Variants in KCNQ3 observed in about 807,000 individuals in gnomAD.
KCNQ3 encodes the protein potassium voltage-gated channel subfamily Q member 3.
Under a neutral mutation model 92.5 loss-of-function variants are expected in KCNQ3, and 30 were observed. That is an observed-to-expected ratio of 0.32 (90% CI 0.24 to 0.44). The LOEUF is 0.44. Among genes scored for constraint, KCNQ3 ranks in the 20% least tolerant of loss-of-function variants. KCNQ3 has a pLI of 1.00. For synonymous variants in KCNQ3, 450 were observed against 468.8 expected, an observed-to-expected ratio of 0.96 and a Z score of 0.52; for missense variants, 913 against 1,140.3, an observed-to-expected ratio of 0.80 and a Z score of 2.87.
chr8:132,125,356 T>G lies in KCNQ3; in HGVS notation c.*3906A>C, dbSNP rs1369903625. On this transcript the variant is annotated 3_prime_UTR_variant, in exon 15 of 15. Coordinates refer to ENST00000388996, the MANE Select transcript of KCNQ3 (RefSeq NM_004519.4). ...GGAAGCATTTCTGTCTGTATAGAGT[T>G]GTTTGCAGGGATGAAATCAGGTATT... The G allele has an allele frequency of 6.6e-6, 1 of 152,204 alleles. No homozygotes were observed. The highest frequency in any genetic ancestry group is 1.5e-5 in the Non-Finnish European group (1 of 68,040). The allele number at this position is 152,204 out of a possible 1,614,324, so 9.4% of individuals were successfully genotyped here. A position where few individuals can be genotyped will look rare whatever the true frequency, so the allele number is the denominator to read the frequency against.
chr8:132,447,664 C>T (rs991959513), intron 1 of KCNQ3, among the ~76,000 whole-genome samples: 1 of 152,170 alleles, frequency 6.6e-6, no homozygotes, highest in Non-Finnish European at 1.5e-5. Flanking sequence ...CAAGAGACAG[C>T]GCCACGAGCG....
At chr8:132,352,850 G>A (rs182663914) in intron 1 of KCNQ3, among the ~76,000 whole-genome samples, 6 of 152,260 alleles carry the variant, frequency 3.9e-5, no homozygotes, top group African/African-American at 1.4e-4. Context: ...GGGGAAAAGA[G>A]GTTGGTGCTC....
At chr8:132,334,116 G>T (rs1467064601) in intron 1 of KCNQ3, among the ~76,000 whole-genome samples, 2 of 152,278 alleles carry the variant, frequency 1.3e-5, no homozygotes, top group Non-Finnish European at 2.9e-5. Context: ...GCAGAGACAG[G>T]TGTAGTTGAT....
At chr8:132,216,414 G>A (rs1814031405) in intron 1 of KCNQ3, among the ~76,000 whole-genome samples, 1 of 152,206 alleles carries the variant, frequency 6.6e-6, no homozygotes, top group African/African-American at 2.4e-5. Context: ...ATAGGAAGGA[G>A]TCACCTGCAG....
chr8:132,349,243 C>G (rs749642532), intron 1 of KCNQ3, among the ~76,000 whole-genome samples: 1 of 152,208 alleles, frequency 6.6e-6, no homozygotes, highest in Non-Finnish European at 1.5e-5. Context: ...GCATGTGTGG[C>G]TAAGTACCCT....
rs188989458 is a variant in KCNQ3, at chr8:132,214,787, G to C, written c.387-28606C>G. Among the ~76,000 whole-genome samples the C allele has an allele frequency of 3.9e-3, 594 of 152,366 alleles. 10 individuals are homozygous for C. Among genetic ancestry groups the C allele is most frequent in the Admixed American group, 0.036 (549 of 15,312 alleles). The stretch of plus-strand genomic sequence containing the variant: ...CGCATGCCACAGGTGAGGAGACTTA[G>C]ACAGATTAGAGGTGGAATGTATCCA... On this transcript the variant is annotated intron_variant, in intron 1 of 14. Transcript: ENST00000388996.
intron 1 of KCNQ3, among the ~76,000 whole-genome samples, chr8:132,351,411 C>G (rs1311047509): frequency 6.6e-6 from 1 of 152,198 alleles, no homozygotes; most frequent in African/African-American, 2.4e-5. Context: ...GGAAAGCAAT[C>G]TCCTCCACCC....
At chr8:132,454,228 G>A (rs1290307892) in intron 1 of KCNQ3, among the ~76,000 whole-genome samples, 2 of 152,148 alleles carry the variant, frequency 1.3e-5, no homozygotes, top group African/African-American at 4.8e-5. Flanking sequence ...GCATGGGCCT[G>A]TCCTCGGGTT....
At chr8:132,325,124 A>G (rs1284618070) in intron 1 of KCNQ3, among the ~76,000 whole-genome samples, 9 of 151,964 alleles carry the variant, frequency 5.9e-5, no homozygotes, top group African/African-American at 2.2e-4. Context: ...CCACATGGTG[A>G]TAGGCTGGCT....
chr8:132,154,191 AAGTTTT>A (rs1430773615), intron 9 of KCNQ3, among the ~76,000 whole-genome samples: 172 of 15,070 alleles, frequency 0.011, 2 homozygotes, highest in African/African-American at 0.052. Context: ...AAAAGGGTAA[AAGTTTT>A]TTTTTTTTTT....
chr8:132,150,772 GC>G lies in KCNQ3; in HGVS notation c.1263-9442del, dbSNP rs113481531. Among the ~76,000 whole-genome samples, 1,122 of 152,036 alleles carry G rather than the reference GC, an allele frequency of 7.4e-3. 15 individuals are homozygous for G. Among genetic ancestry groups the G allele is most frequent in the African/African-American group, 0.026 (1,073 of 41,488 alleles). ...GGTCAATAATCCAAATAGGAGATTG[GC>G]AAACAAAAGATCTTATGGGGACTGG... is the stretch of plus-strand genomic sequence containing the variant. On this transcript the variant is annotated intron_variant, in intron 9 of 14. Transcript: ENST00000388996.
At chr8:132,286,959 G>A (rs980784632) in intron 1 of KCNQ3, among the ~76,000 whole-genome samples, 1 of 152,152 alleles carries the variant, frequency 6.6e-6, no homozygotes, top group African/African-American at 2.4e-5. Flanking sequence ...ACCAACTGAT[G>A]AAGTAGCACT....
chr8:132,350,222 C>A (rs566410525), intron 1 of KCNQ3, among the ~76,000 whole-genome samples: 19 of 152,074 alleles, frequency 1.2e-4, no homozygotes, highest in Non-Finnish European at 2.4e-4. Context: ...ACACACAGAC[C>A]CAATCACCCC....
intron 1 of KCNQ3, among the ~76,000 whole-genome samples, chr8:132,208,727 G>C (rs571754842): frequency 6.6e-6 from 1 of 152,086 alleles, no homozygotes; most frequent in Non-Finnish European, 1.5e-5. Context: ...CCTGCAAAAC[G>C]GGTCTAATCA....
intron 1 of KCNQ3, among the ~76,000 whole-genome samples, chr8:132,211,786 A>C (rs1159878071): frequency 6.6e-6 from 1 of 151,872 alleles, no homozygotes; most frequent in African/African-American, 2.4e-5. Flanking sequence ...CCCCATCTCC[A>C]CTAAAAATAC....
At chr8:132,479,803 A>C (rs1294804709) in intron 1 of KCNQ3, among the ~76,000 whole-genome samples, 1 of 151,836 alleles carries the variant, frequency 6.6e-6, no homozygotes, top group Admixed American at 6.6e-5. Flanking sequence ...AATTGGAAAA[A>C]CCCACATAAT....
chr8:132,299,389 T>C lies in KCNQ3; in HGVS notation c.387-113208A>G, dbSNP rs1817146811. 2.0e-5 allele frequency among the ~76,000 whole-genome samples: 3 copies of C among 152,152 alleles called. No homozygotes were observed. The South Asian group carries it at 6.2e-4, about 32-fold the overall frequency. ...TGGCTTTCTTCACTTAAAAACCTAA[T>C]GTGGAGGTGTTTTCAGAGCATTTGT... On this transcript the variant is annotated intron_variant, in intron 1 of 14. Coordinates refer to ENST00000388996, the MANE Select transcript of KCNQ3 (RefSeq NM_004519.4).
chr8:132,142,913 C>T (rs923792638), intron 9 of KCNQ3, among the ~76,000 whole-genome samples: 1 of 152,176 alleles, frequency 6.6e-6, no homozygotes, highest in African/African-American at 2.4e-5. Context: ...ACACCAGGTC[C>T]TCGTCTGTCA....
chr8:132,453,776 G>T (rs936497577), intron 1 of KCNQ3, among the ~76,000 whole-genome samples: 4 of 152,130 alleles, frequency 2.6e-5, no homozygotes, highest in African/African-American at 4.8e-5. Flanking sequence ...AAATGGCAAG[G>T]ATGGTTGTGG....
Sources: allele counts gnomAD v4.1 joint callset (sites outside exome capture counted in the v4.1 genomes callset), GRCh38; gene constraint gnomAD v4.1.1; transcripts MANE v1.5; gene names NCBI Gene and HGNC (gene_info 2026-07-23, HGNC 2026-07-21).